MDH1: variants seen among roughly 807,000 people sequenced by gnomAD.
MDH1 encodes the protein malate dehydrogenase 1, also known as malate dehydrogenase, cytoplasmic.
MDH1 carries 15 observed loss-of-function variants against 38.7 expected under a neutral mutation model. The ratio of observed to expected loss-of-function variants is 0.39; its 90% CI spans 0.26 to 0.60. The LOEUF is 0.60. MDH1 is among the 20% of genes least tolerant of loss of function. The probability of loss-of-function intolerance (pLI) is 0.56; values close to 1 mark genes in which losing one functional copy is unlikely to be tolerated. For synonymous variants in MDH1, 144 were observed against 143.6 expected (o/e 1.00, Z -0.02); for missense variants, 368 against 405.2 (o/e 0.91, Z 0.79).
chr2:63,605,668 G>T, intron 7 of MDH1: 1 of 586,132 alleles, frequency 1.7e-6, no homozygotes. Flanking sequence ...CATAGTAGGG[G>T]TGAATTTTTT....
At chr2:63,590,919 T>C (rs950631249) in intron 1 of MDH1, 2 of 152,252 alleles carry the variant, frequency 1.3e-5, no homozygotes, top group East Asian at 1.9e-4. Context: ...CTTTGCTTGT[T>C]GTCTGTAGGG....
At chr2:63,589,381 T>A in intron 1 of MDH1, 1 of 1,550,574 alleles carries the variant, frequency 6.4e-7, no homozygotes, top group Non-Finnish European at 8.7e-7. Flanking sequence ...ATAAGGACGA[T>A]AAGGTTTGCG....
chr2:63,590,078 A>C (rs1432407742), intron 1 of MDH1: 2 of 152,380 alleles, frequency 1.3e-5, no homozygotes, highest in Non-Finnish European at 2.9e-5. Context: ...ACAGCTACTA[A>C]TTTCCAGTAG....
intron 1 of MDH1, chr2:63,593,626 C>T (rs1436204678): frequency 2.1e-6 from 1 of 471,718 alleles, no homozygotes; most frequent in South Asian, 1.5e-5. Context: ...TTTCTCCATG[C>T]AGGTAGGGGT....
chr2:63,607,172 C>G lies in MDH1; in HGVS notation c.*185C>G, dbSNP rs926054625. The G allele has an allele frequency of 2.5e-6, 1 of 398,460 alleles. No individual in the cohort carries two copies. The highest frequency in any genetic ancestry group is 4.4e-5 in the Admixed American group (1 of 22,834). The allele number at this position is 398,460 out of a possible 1,614,324, so 24.7% of individuals were successfully genotyped here. A position where few individuals can be genotyped will look rare whatever the true frequency, so the allele number is the denominator to read the frequency against. The stretch of plus-strand genomic sequence containing the variant: ...TATCGTCATGCTGTTAGTGTGCATT[C>G]TAAATAAATATATATTCAAATGAAA... On this transcript the variant is annotated 3_prime_UTR_variant, in exon 9 of 9. Coordinates refer to ENST00000233114, the MANE Select transcript of MDH1 (RefSeq NM_005917.4).
At chr2:63,604,918 C>T (rs745767721) in intron 6 of MDH1, 46 bp downstream of exon 6, 23 of 1,588,836 alleles carry the variant, frequency 1.4e-5, no homozygotes, top group Non-Finnish European at 2.0e-5. Context: ...GTAAAGAACT[C>T]TTGAGAGACT....
At chr2:63,604,577 G>A in intron 5 of MDH1, 119 bp from the exon 6 acceptor site, 1 of 775,744 alleles carries the variant, frequency 1.3e-6, no homozygotes, top group Non-Finnish European at 2.0e-6. Flanking sequence ...TATAACTCTT[G>A]TGTTCTCTTG....
chr2:63,592,092 C>A (rs1709210918), intron 1 of MDH1, among the ~76,000 whole-genome samples: 1 of 152,112 alleles, frequency 6.6e-6, no homozygotes, highest in Non-Finnish European at 1.5e-5. Context: ...TTGGTGTATC[C>A]TTTTTGTTTC....
At chr2:63,597,348 T>C in intron 3 of MDH1, 51 bp from the exon 4 acceptor site, 1 of 1,319,996 alleles carries the variant, frequency 7.6e-7, no homozygotes, top group Non-Finnish European at 9.8e-7. Flanking sequence ...AAAAGAAAAC[T>C]TCAAACTTTG....
intron 3 of MDH1, among the ~76,000 whole-genome samples, chr2:63,595,910 CTT>C (rs1709302667): frequency 6.6e-6 from 1 of 152,146 alleles, no homozygotes; most frequent in African/African-American, 2.4e-5. Flanking sequence ...TAATGGAAAA[CTT>C]TCTCAGTTTT....
intron 1 of MDH1, among the ~76,000 whole-genome samples, chr2:63,592,481 G>A (rs1709218864): frequency 6.6e-6 from 1 of 152,060 alleles, no homozygotes; most frequent in African/African-American, 2.4e-5. Context: ...CTCCTGAGTG[G>A]CTGGAACTAC....
chr2:63,602,888 T>C (rs939053984), intron 5 of MDH1, among the ~76,000 whole-genome samples: 5 of 152,096 alleles, frequency 3.3e-5, no homozygotes, highest in African/African-American at 1.2e-4. Flanking sequence ...CCCCTTTTAT[T>C]TATTCCATTG....
intron 1 of MDH1, chr2:63,590,534 C>T (rs1709172684): frequency 6.6e-6 from 1 of 152,162 alleles, no homozygotes; most frequent in South Asian, 2.1e-4. Flanking sequence ...AATATGTTAT[C>T]AGCATGTAGA....
At chr2:63,589,099 G>A (rs1709089106) in intron 1 of MDH1, 53 bp downstream of exon 1, 1 of 1,613,986 alleles carries the variant, frequency 6.2e-7, no homozygotes, top group African/African-American at 1.3e-5. Context: ...GCCCTTGAGT[G>A]GGGTTTCTTG....
chr2:63,595,402 G>A, intron 2 of MDH1, 21 bp from the exon 3 acceptor site: 1 of 1,445,420 alleles, frequency 6.9e-7, no homozygotes, highest in Non-Finnish European at 9.7e-7. Context: ...ACTAACAGAT[G>A]CTGTCCTTGC....
Position 63,604,744 on chromosome 2 carries a change from A to G in MDH1, c.547A>G (p.Ile183Val). Residue 183 changes from isoleucine (I) to valine (V), a missense_variant, in exon 6 of 9, where the codon ATC (isoleucine) becomes GTC (valine). Physicochemically the swap from Ile to Val is conservative, Grantham distance 29. Coordinates refer to ENST00000233114, the MANE Select transcript of MDH1 (RefSeq NM_005917.4). ...TGCTAATGATGTAAAGAATGTCATT[A>G]TCTGGGGAAACCATTCCTCGACTCA... ...VTANDVKNVI[I>V]WGNHSSTQYP... The G allele has an allele frequency of 6.2e-7, 1 of 1,614,172 alleles. No individual in the cohort carries two copies. Among genetic ancestry groups the G allele is most frequent in the Non-Finnish European group, 8.5e-7 (1 of 1,180,008 alleles).
intron 4 of MDH1, 120 bp from the exon 5 acceptor site, chr2:63,599,050 G>T: frequency 2.4e-6 from 2 of 817,096 alleles, no homozygotes; most frequent in African/African-American, 1.8e-5. Context: ...ATTGTATTTG[G>T]TGTTTCCCAA....
chr2:63,589,213 G>GTA, intron 1 of MDH1, 167 bp downstream of exon 1: 1 of 1,577,356 alleles, frequency 6.3e-7, no homozygotes. Flanking sequence ...ACCCAGTAAT[G>GTA]GGAAGGGATT....
intron 7 of MDH1, 77 bp from the exon 8 acceptor site, chr2:63,605,862 C>G (rs1196676976): frequency 8.4e-7 from 1 of 1,191,168 alleles, no homozygotes; most frequent in East Asian, 2.3e-5. Context: ...AAAGGGTCAC[C>G]TGGTTTAATT....
Sources: gnomAD v4.1 joint callset for allele counts (sites outside exome capture counted in the v4.1 genomes callset) on GRCh38, gnomAD v4.1.1 for gene constraint, MANE v1.5 for transcripts, NCBI Gene and HGNC (gene_info 2026-07-23, HGNC 2026-07-21) for gene names.